The following IQUB variants were observed in gnomAD, a reference collection of about 807,000 sequenced individuals.
IQUB encodes IQ motif and ubiquitin domain containing.
Under a neutral mutation model 86.4 loss-of-function variants are expected in IQUB, and 86 were observed. The ratio of observed to expected loss-of-function variants is 1.00; its 90% confidence interval spans 0.84 to 1.19. The LOEUF (loss-of-function observed/expected upper bound fraction) is 1.19, where lower values mean the gene tolerates loss of function less well. Ranked by LOEUF, IQUB falls within the 50% of genes most tolerant of loss-of-function variation. The probability of loss-of-function intolerance (pLI) is 0.00; values close to 1 mark genes in which losing one functional copy is unlikely to be tolerated. For missense variants in IQUB, 946 were observed against 916.9 expected, an observed-to-expected ratio of 1.03 and a Z score of -0.41; for synonymous variants, 289 against 304.5, an observed-to-expected ratio of 0.95 and a Z score of 0.53.
intron 5 of IQUB, 63 bp downstream of exon 5, chr7:123,502,881 T>A: frequency 6.9e-7 from 1 of 1,442,698 alleles, no homozygotes; most frequent in Non-Finnish European, 9.5e-7. Context: ...TTTGAGAGAG[T>A]CATACAGTAC....
chr7:123,467,378 G>A (rs772367186), intron 9 of IQUB, among the ~76,000 whole-genome samples: 11 of 152,104 alleles, frequency 7.2e-5, no homozygotes, highest in East Asian at 3.9e-4. Flanking sequence ...GCTTCTCTCC[G>A]ACAATTCCCT....
chr7:123,501,378 A>C (rs1795935886), intron 6 of IQUB: 1 of 152,352 alleles, frequency 6.6e-6, no homozygotes, highest in African/African-American at 2.4e-5. Flanking sequence ...GTCAGGCTGG[A>C]ATAACAGGCA....
At chr7:123,467,962 T>C (rs77070881) in intron 9 of IQUB, among the ~76,000 whole-genome samples, 4,661 of 152,308 alleles carry the variant, frequency 0.031, 95 homozygotes, top group Middle Eastern at 0.065. Flanking sequence ...CCAAGAGACC[T>C]GCGGGCAAGG....
chr7:123,473,750 T>TC (rs1185470077), intron 8 of IQUB, among the ~76,000 whole-genome samples: 2 of 151,172 alleles, frequency 1.3e-5, no homozygotes, highest in Non-Finnish European at 3.0e-5. Context: ...TAATTTTTTT[T>TC]TTTTTTTTGT....
chr7:123,513,140 C>G (rs988178295), intron 1 of IQUB, among the ~76,000 whole-genome samples: 8 of 152,138 alleles, frequency 5.3e-5, no homozygotes, highest in African/African-American at 1.9e-4. Context: ...GGTGGAAAAG[C>G]TCTCTCTGGG....
chr7:123,471,796 C>T (rs2117031788), intron 8 of IQUB, among the ~76,000 whole-genome samples: 1 of 152,258 alleles, frequency 6.6e-6, no homozygotes, highest in Admixed American at 6.5e-5. Context: ...AATTATATCA[C>T]TTGTATGTGA....
intron 7 of IQUB, among the ~76,000 whole-genome samples, chr7:123,495,607 T>C (rs1006176623): frequency 2.0e-5 from 3 of 152,134 alleles, no homozygotes; most frequent in Non-Finnish European, 4.4e-5. Context: ...ATTGAGGCTA[T>C]TTCTAGGTTT....
chr7:123,478,600 G>A (rs1171195900), intron 8 of IQUB, among the ~76,000 whole-genome samples: 1 of 152,058 alleles, frequency 6.6e-6, no homozygotes, highest in Non-Finnish European at 1.5e-5. Flanking sequence ...TGCTAAAGCA[G>A]AGGACTTAGT....
intron 8 of IQUB, among the ~76,000 whole-genome samples, chr7:123,473,426 A>C (rs1290491105): frequency 6.6e-6 from 1 of 152,240 alleles, no homozygotes; most frequent in South Asian, 2.1e-4. Flanking sequence ...TCAAGGAAAA[A>C]CATCTTACAG....
At chr7:123,512,777 A>G (rs1434038675) in intron 1 of IQUB, among the ~76,000 whole-genome samples, 1 of 152,186 alleles carries the variant, frequency 6.6e-6, no homozygotes, top group Admixed American at 6.5e-5. Flanking sequence ...CACTTTTTGT[A>G]GTAGCTCTGC....
chr7:123,471,424 A>C (rs1304976292), intron 8 of IQUB, among the ~76,000 whole-genome samples: 2 of 152,200 alleles, frequency 1.3e-5, no homozygotes, highest in African/African-American at 4.8e-5. Context: ...AGTCTAACCA[A>C]TGTCTTAATC....
Position 123,496,720 on chromosome 7 carries a change from C to T in IQUB, c.1210G>A (p.Glu404Lys), listed in dbSNP as rs1303907093. Residue 404 changes from glutamate to lysine, a missense_variant, in exon 7 of 13, where the codon GAA becomes AAA. By Grantham distance (56) the Glu-to-Lys change is moderately conservative. Coordinates refer to ENST00000324698, the MANE Select transcript of IQUB (RefSeq NM_178827.5). The part of the protein sequence containing the change: ...RHNPKTNEDF[E>K]FLYNALEFWR... ...CATTCTAATGCATTATAAAGAAATTCAAAATCTTCATTTGTTTTAGGATTA... is the reference window on the plus strand; with the variant it reads ...CATTCTAATGCATTATAAAGAAATTTAAAATCTTCATTTGTTTTAGGATTA... The T allele has an allele frequency of 1.2e-6, 2 of 1,604,172 alleles. No individual in the cohort carries two copies. The highest frequency in any genetic ancestry group is 2.2e-5 in the East Asian group (1 of 44,580).
chr7:123,472,194 C>T (rs1462543293), intron 8 of IQUB, among the ~76,000 whole-genome samples: 11 of 150,536 alleles, frequency 7.3e-5, no homozygotes, highest in Admixed American at 2.7e-4. Flanking sequence ...ACCAAGTCTG[C>T]ACCACTGCAC....
chr7:123,472,275 T>G (rs1563437013), intron 8 of IQUB, among the ~76,000 whole-genome samples: 2 of 150,756 alleles, frequency 1.3e-5, no homozygotes, highest in African/African-American at 4.9e-5. Flanking sequence ...AGGAAAGAAA[T>G]AAAGAAAGAA....
In IQUB at chr7:123,464,727, C is replaced by T. The variant is rs10226761; in HGVS notation, c.1758+106G>A. On this transcript the variant is annotated intron_variant, in intron 10 of 12. Transcript: ENST00000324698. ...ATACTACCAATAAGATGGTATTCCA[C>T]ATGGACTCCCAAGTAAAGTGTTAAA... The T allele has an allele frequency of 4.3e-3, 2,513 of 582,418 alleles. 40 individuals are homozygous for T. In the African/African-American group the frequency reaches 0.044, roughly 10 times the overall value. The allele number at this position is 582,418 out of a possible 1,614,324, so 36.1% of individuals were successfully genotyped here.
At chr7:123,478,565 T>C (rs1794850837) in intron 8 of IQUB, among the ~76,000 whole-genome samples, 1 of 151,892 alleles carries the variant, frequency 6.6e-6, no homozygotes, top group African/African-American at 2.4e-5. Context: ...GAACTTAAAG[T>C]GTAATAAAAA....
At chr7:123,503,156 G>C (rs778666464) in intron 4 of IQUB, 40 bp from the exon 5 acceptor site, 2 of 1,608,266 alleles carry the variant, frequency 1.2e-6, no homozygotes, top group Non-Finnish European at 8.5e-7. Context: ...GCTCAACCAA[G>C]AAGGGACTCA....
chr7:123,469,127 T>A (rs1195831216), intron 9 of IQUB, 87 bp downstream of exon 9: 1 of 959,160 alleles, frequency 1.0e-6, no homozygotes, highest in Non-Finnish European at 1.5e-6. Flanking sequence ...ATTCTTAATG[T>A]AAAACACTTT....
In IQUB at chr7:123,452,494, A is replaced by T. The variant is rs1793468805; in HGVS notation, c.*249T>A. ...AAAATTTAATGTGAAAACACATTTTAAAATGTTTTCTTTACCCCAAAATAT... is the reference window on the plus strand; with the variant it reads ...AAAATTTAATGTGAAAACACATTTTTAAATGTTTTCTTTACCCCAAAATAT... On this transcript the variant is annotated 3_prime_UTR_variant, in exon 13 of 13. Coordinates refer to ENST00000324698, the MANE Select transcript of IQUB (RefSeq NM_178827.5). 3.4e-6 allele frequency: 1 copy of T among 291,364 alleles called. No individual in the cohort carries two copies. Among genetic ancestry groups the T allele is most frequent in the Admixed American group, 5.0e-5 (1 of 19,844 alleles). The allele number at this position is 291,364 out of a possible 1,614,324, so 18.0% of individuals were successfully genotyped here.
Sources: allele counts gnomAD v4.1 joint callset (sites outside exome capture counted in the v4.1 genomes callset), GRCh38; gene constraint gnomAD v4.1.1; transcripts MANE v1.5; gene names NCBI Gene and HGNC (gene_info 2026-07-23, HGNC 2026-07-21).